PGCKA1: variants seen among roughly 807,000 people sequenced by gnomAD.
PGCKA1 encodes the protein PDCD10 and GCKIII kinases associated 1.
At chr4:37,544,968 G>A in the PGCKA1 span, among the ~76,000 whole-genome samples, 1 of 151,674 alleles carries the variant, frequency 6.6e-6, no homozygotes, top group Non-Finnish European at 1.5e-5. Flanking sequence ...TGATTCTCCT[G>A]CCTCAGCCTC....
chr4:37,516,953 A>G, the PGCKA1 span, among the ~76,000 whole-genome samples: 2 of 152,192 alleles, frequency 1.3e-5, no homozygotes, highest in African/African-American at 4.8e-5. Flanking sequence ...ATTATAATCT[A>G]GCCATTAAAA....
chr4:37,549,395 A>G, the PGCKA1 span, among the ~76,000 whole-genome samples: 1 of 152,178 alleles, frequency 6.6e-6, no homozygotes, highest in East Asian at 1.9e-4. Flanking sequence ...GGCCCTGGCC[A>G]AGGCCAGTGG....
the PGCKA1 span, among the ~76,000 whole-genome samples, chr4:37,561,714 T>A: frequency 6.6e-6 from 1 of 152,190 alleles, no homozygotes; most frequent in Non-Finnish European, 1.5e-5. Context: ...AAACAAGGAG[T>A]TAGTGAATAC....
chr4:37,567,713 C>T, the PGCKA1 span, among the ~76,000 whole-genome samples: 1 of 152,120 alleles, frequency 6.6e-6, no homozygotes, highest in Non-Finnish European at 1.5e-5. Flanking sequence ...CCAGGGAGCA[C>T]CCGGGTGCCA....
the PGCKA1 span, among the ~76,000 whole-genome samples, chr4:37,514,095 TAAG>T: frequency 6.6e-6 from 1 of 152,192 alleles, no homozygotes; most frequent in Non-Finnish European, 1.5e-5. Context: ...TGGGAGCAGC[TAAG>T]TAGAACAGGC....
the PGCKA1 span, among the ~76,000 whole-genome samples, chr4:37,564,300 A>G: frequency 1.3e-5 from 2 of 151,464 alleles, no homozygotes; most frequent in African/African-American, 4.8e-5. Flanking sequence ...AGAAAGAAAA[A>G]AAACCGAATA....
the PGCKA1 span, chr4:37,588,069 A>G: frequency 6.6e-6 from 1 of 152,284 alleles, no homozygotes; most frequent in African/African-American, 2.4e-5. Context: ...TGAGGAAGGA[A>G]GAGGCCAACA....
the PGCKA1 span, among the ~76,000 whole-genome samples, chr4:37,507,907 A>G: frequency 2.6e-5 from 4 of 151,930 alleles, no homozygotes; most frequent in African/African-American, 4.8e-5. Flanking sequence ...TGGGAAAGTA[A>G]TTTTATTTCT....
At chr4:37,547,504 T>C in the PGCKA1 span, among the ~76,000 whole-genome samples, 1 of 152,238 alleles carries the variant, frequency 6.6e-6, no homozygotes, top group South Asian at 2.1e-4. Flanking sequence ...TAAGGGAGAT[T>C]ATAGTGTTAC....
chr4:37,565,974 G>A, the PGCKA1 span, among the ~76,000 whole-genome samples: 1 of 152,134 alleles, frequency 6.6e-6, no homozygotes, highest in South Asian at 2.1e-4. Flanking sequence ...TCCCGTGCTG[G>A]ACACTTCCTG....
chr4:37,575,237 C>G, the PGCKA1 span, among the ~76,000 whole-genome samples: 1 of 149,240 alleles, frequency 6.7e-6, no homozygotes, highest in African/African-American at 2.6e-5. Flanking sequence ...GAGTTCTCTT[C>G]TCCACATCCT....
At chr4:37,548,843 A>G in the PGCKA1 span, among the ~76,000 whole-genome samples, 21 of 152,260 alleles carry the variant, frequency 1.4e-4, no homozygotes, top group African/African-American at 5.1e-4. Context: ...CAAGATGCAA[A>G]TGTCTGGTTG....
chr4:37,506,054 T>G, the PGCKA1 span, among the ~76,000 whole-genome samples: 3 of 152,368 alleles, frequency 2.0e-5, no homozygotes, highest in East Asian at 5.8e-4. Flanking sequence ...ATCTTCTAGA[T>G]GTTTTAATTC....
the PGCKA1 span, among the ~76,000 whole-genome samples, chr4:37,541,786 A>G: frequency 5.3e-5 from 8 of 152,126 alleles, 1 homozygote; most frequent in Admixed American, 5.2e-4. Context: ...CTGAACTCCT[A>G]TTAACCTCAA....
At chr4:37,535,251 G>A in the PGCKA1 span, among the ~76,000 whole-genome samples, 4 of 152,166 alleles carry the variant, frequency 2.6e-5, no homozygotes, top group African/African-American at 9.7e-5. Flanking sequence ...GGCTGGGCGT[G>A]GTGGCTCACA....
At chr4:37,483,154 C>G in the PGCKA1 span, among the ~76,000 whole-genome samples, 1 of 152,104 alleles carries the variant, frequency 6.6e-6, no homozygotes, top group Non-Finnish European at 1.5e-5. Flanking sequence ...TAAAGGGCTT[C>G]CCCCTTCACT....
the PGCKA1 span, among the ~76,000 whole-genome samples, chr4:37,548,806 T>TAA: frequency 0.056 from 8,415 of 151,572 alleles, 766 homozygotes; most frequent in African/African-American, 0.19. Context: ...GTTAAAGACT[T>TAA]AAACTTTGGC....
chr4:37,514,531 TTGACTG>T, the PGCKA1 span, among the ~76,000 whole-genome samples: 1 of 152,184 alleles, frequency 6.6e-6, no homozygotes, highest in African/African-American at 2.4e-5. Context: ...ATCCCATACT[TTGACTG>T]AGACCTACAA....
the PGCKA1 span, among the ~76,000 whole-genome samples, chr4:37,542,066 C>T: frequency 6.6e-6 from 1 of 152,190 alleles, no homozygotes; most frequent in African/African-American, 2.4e-5. Flanking sequence ...TACAGCGCAT[C>T]TTCCATTGGA....
Sources: allele counts gnomAD v4.1 joint callset (sites outside exome capture counted in the v4.1 genomes callset), GRCh38; gene constraint gnomAD v4.1.1; transcripts MANE v1.5; gene names NCBI Gene and HGNC (gene_info 2026-07-23, HGNC 2026-07-21).